CHCHD6: variants seen among roughly 807,000 people sequenced by gnomAD.
The protein encoded by CHCHD6 is MICOS complex subunit MIC25.
A neutral mutation model predicts 32.3 loss-of-function variants in CHCHD6; 28 were observed. The ratio of observed to expected loss-of-function variants is 0.87; its 90% CI spans 0.64 to 1.19. The LOEUF (loss-of-function observed/expected upper bound fraction) is 1.19. CHCHD6 is among the 50% of genes most tolerant of loss of function. CHCHD6 has a pLI of 0.00. For synonymous variants in CHCHD6, 122 were observed against 117.5 expected (o/e 1.04, Z -0.25); for missense variants, 333 against 307.0 (o/e 1.08, Z -0.63).
At chr3:126,757,050 C>G in intron 4 of CHCHD6, among the ~76,000 whole-genome samples, 1 of 152,160 alleles carries the variant, frequency 6.6e-6, no homozygotes, top group East Asian at 1.9e-4. Context: ...CCTGAACAAC[C>G]ACACGCGTAT....
At chr3:126,760,780 A>G (rs1937131623) in intron 4 of CHCHD6, among the ~76,000 whole-genome samples, 1 of 152,142 alleles carries the variant, frequency 6.6e-6, no homozygotes, top group African/African-American at 2.4e-5. Context: ...ATTGTGAGTA[A>G]TGCTGCTGTG....
At position 126,934,212 on chromosome 3, in the gene CHCHD6, T is replaced by C. The variant is rs555182469; in HGVS notation, c.566+19462T>C. On this transcript the variant is annotated intron_variant, in intron 6 of 7. Transcript: ENST00000290913. The stretch of plus-strand genomic sequence containing the variant: ...CCTACCAGCAGATTCCTAAAGGAGG[T>C]TTGTGCTGTAAAAGATGACTGGTTA... Among the ~76,000 whole-genome samples, 293 of 152,252 alleles carry C rather than the reference T, an allele frequency of 1.9e-3. 1 individual carries two copies. Among genetic ancestry groups the C allele is most frequent in the African/African-American group, 6.5e-3 (271 of 41,520 alleles).
chr3:126,807,012 C>T (rs943383678), intron 4 of CHCHD6, among the ~76,000 whole-genome samples: 2 of 128,990 alleles, frequency 1.6e-5, no homozygotes, highest in African/African-American at 6.1e-5. Flanking sequence ...AACACATGGA[C>T]ACAGGAAGGG....
At chr3:126,806,300 C>T (rs553601938) in intron 4 of CHCHD6, among the ~76,000 whole-genome samples, 3 of 152,302 alleles carry the variant, frequency 2.0e-5, no homozygotes, top group East Asian at 1.9e-4. Context: ...GCACCCTACT[C>T]ATCTGACAAA....
At chr3:126,803,495 A>G (rs1221009765) in intron 4 of CHCHD6, among the ~76,000 whole-genome samples, 1 of 152,236 alleles carries the variant, frequency 6.6e-6, no homozygotes, top group Non-Finnish European at 1.5e-5. Flanking sequence ...TAAAGGGATC[A>G]ATTCAACAAG....
Position 126,727,103 on chromosome 3 carries a change from T to C in CHCHD6, c.113T>C (p.Met38Thr), listed in dbSNP as rs1935568174. ...CTGTCTGAAAACGTGGTGAACCGCATGAAGGAGCCCAGCTCTCCACCCCCT... is the reference window on the plus strand; with the variant it reads ...CTGTCTGAAAACGTGGTGAACCGCACGAAGGAGCCCAGCTCTCCACCCCCT... ...VRLSENVVNR[M>T]KEPSSPPPAP... The change falls in exon 2 of 8, where the codon ATG (methionine) becomes ACG (threonine). Residue 38 changes from methionine to threonine, a missense_variant. By Grantham distance (81) the Met-to-Thr change is moderately conservative. Transcript: ENST00000290913. The C allele has an allele frequency of 6.2e-7, 1 of 1,614,072 alleles. No individual in the cohort carries two copies.
chr3:126,897,599 C>T (rs1357918417), intron 5 of CHCHD6, among the ~76,000 whole-genome samples: 1 of 152,182 alleles, frequency 6.6e-6, no homozygotes, highest in Non-Finnish European at 1.5e-5. Flanking sequence ...TACTCACTGG[C>T]GCTGTGACCT....
intron 6 of CHCHD6, among the ~76,000 whole-genome samples, chr3:126,927,303 A>G (rs2078338378): frequency 6.6e-6 from 1 of 152,202 alleles, no homozygotes; most frequent in Admixed American, 6.5e-5. Context: ...ACCACCAGGG[A>G]TGTGTGTGGA....
At chr3:126,866,018 G>A (rs576615484) in intron 5 of CHCHD6, among the ~76,000 whole-genome samples, 4 of 152,282 alleles carry the variant, frequency 2.6e-5, no homozygotes, top group South Asian at 2.1e-4. Context: ...GGGTTGGGGA[G>A]TGCAGAGAGA....
intron 5 of CHCHD6, among the ~76,000 whole-genome samples, chr3:126,876,858 C>T (rs997470928): frequency 1.3e-5 from 2 of 152,102 alleles, no homozygotes; most frequent in Non-Finnish European, 2.9e-5. Context: ...GAAAGAAAAA[C>T]CTGGATCCAT....
chr3:126,709,807 A>G (rs1003760290), intron 1 of CHCHD6, among the ~76,000 whole-genome samples: 4 of 152,160 alleles, frequency 2.6e-5, no homozygotes, highest in African/African-American at 9.7e-5. Context: ...GTGTATTCAG[A>G]TCTTTTGCCA....
At chr3:126,806,960 A>G (rs1939415912) in intron 4 of CHCHD6, among the ~76,000 whole-genome samples, 1 of 148,926 alleles carries the variant, frequency 6.7e-6, no homozygotes, top group Admixed American at 6.8e-5. Flanking sequence ...AAAAAACGAA[A>G]CACCGCATGT....
chr3:126,924,018 C>T (rs1030726840), intron 6 of CHCHD6, among the ~76,000 whole-genome samples: 6 of 152,188 alleles, frequency 3.9e-5, no homozygotes, highest in Non-Finnish European at 5.9e-5. Flanking sequence ...GCACAAAGGG[C>T]ACTGCAGCCC....
At chr3:126,791,257 C>T (rs1334272513) in intron 4 of CHCHD6, among the ~76,000 whole-genome samples, 1 of 152,114 alleles carries the variant, frequency 6.6e-6, no homozygotes, top group African/African-American at 2.4e-5. Context: ...CCCAGTTAGG[C>T]TCCTTGGCGG....
chr3:126,761,378 C>T (rs543961777), intron 4 of CHCHD6, among the ~76,000 whole-genome samples: 7 of 152,160 alleles, frequency 4.6e-5, no homozygotes, highest in Non-Finnish European at 7.4e-5. Flanking sequence ...CTTCAAAGGA[C>T]ACCAATTATA....
chr3:126,778,764 T>G lies in CHCHD6; in HGVS notation c.411+45542T>G, dbSNP rs542749466. ...TTTGAAGCACAAAAGTTTTCAGTGT[T>G]TTTTGAAGACAGGGTCTTGCCCTGT... On this transcript the variant is annotated intron_variant, in intron 4 of 7. Coordinates refer to ENST00000290913, the MANE Select transcript of CHCHD6 (RefSeq NM_032343.3). Among the ~76,000 whole-genome samples, 7 of 152,246 alleles carry G rather than the reference T, an allele frequency of 4.6e-5. No individual in the cohort carries two copies. The South Asian group carries it at 1.5e-3, about 32-fold the overall frequency.
chr3:126,870,008 G>A (rs1391570063), intron 5 of CHCHD6, among the ~76,000 whole-genome samples: 5 of 152,210 alleles, frequency 3.3e-5, no homozygotes, highest in African/African-American at 4.8e-5. Flanking sequence ...TGGCTTAGCT[G>A]CTGACTAGCA....
intron 4 of CHCHD6, among the ~76,000 whole-genome samples, chr3:126,739,809 C>T (rs775449132): frequency 1.7e-4 from 26 of 152,126 alleles, no homozygotes; most frequent in Non-Finnish European, 3.5e-4. Context: ...AACATAGTCT[C>T]GATTTGACAG....
chr3:126,754,305 C>T (rs970218028), intron 4 of CHCHD6, among the ~76,000 whole-genome samples: 1 of 152,210 alleles, frequency 6.6e-6, no homozygotes, highest in Admixed American at 6.5e-5. Flanking sequence ...CAAGTGTAAA[C>T]ATCTTCAGAG....
Sources: allele counts gnomAD v4.1 joint callset (sites outside exome capture counted in the v4.1 genomes callset), GRCh38; gene constraint gnomAD v4.1.1; transcripts MANE v1.5; gene names NCBI Gene and HGNC (gene_info 2026-07-23, HGNC 2026-07-21).